The following AKAP6 variants were observed in gnomAD, a reference collection of about 807,000 sequenced individuals.
The protein encoded by AKAP6 is A-kinase anchor protein 6.
Under a neutral mutation model 188.5 loss-of-function variants are expected in AKAP6, and 58 were observed. The observed-to-expected ratio is 0.31, with a 90% CI of 0.25 to 0.38. The LOEUF is 0.38. Among genes scored for constraint, AKAP6 ranks in the 10% least tolerant of loss-of-function variants. The pLI is 1.00. For synonymous variants in AKAP6, 989 were observed against 998.6 expected, an observed-to-expected ratio of 0.99 and a Z score of 0.18; for missense variants, 2,710 against 2,740.0, an observed-to-expected ratio of 0.99 and a Z score of 0.24.
At chr14:32,628,744 T>C (rs1395111468) in intron 7 of AKAP6, among the ~76,000 whole-genome samples, 1 of 152,056 alleles carries the variant, frequency 6.6e-6, no homozygotes, top group Non-Finnish European at 1.5e-5. Context: ...AGAAAAAAAG[T>C]CCAAAACACC....
At chr14:32,559,895 A>G (rs960766599) in intron 4 of AKAP6, among the ~76,000 whole-genome samples, 7 of 151,122 alleles carry the variant, frequency 4.6e-5, no homozygotes, top group African/African-American at 1.7e-4. Flanking sequence ...TAGCCTAGAC[A>G]TGTGGTAAAA....
chr14:32,564,096 C>T (rs1884085375), intron 4 of AKAP6, among the ~76,000 whole-genome samples: 1 of 152,058 alleles, frequency 6.6e-6, no homozygotes, highest in Non-Finnish European at 1.5e-5. Flanking sequence ...TTTAAATTAT[C>T]ACTAGGTTAC....
chr14:32,779,933 G>A (rs2033189666), intron 12 of AKAP6, among the ~76,000 whole-genome samples: 1 of 152,024 alleles, frequency 6.6e-6, no homozygotes, highest in Admixed American at 6.6e-5. Flanking sequence ...GATTGGTGTA[G>A]CCTCTGTGGG....
chr14:32,583,217 C>A (rs1885062013), intron 5 of AKAP6, among the ~76,000 whole-genome samples: 1 of 152,298 alleles, frequency 6.6e-6, no homozygotes, highest in Middle Eastern at 3.4e-3. Flanking sequence ...AGACAGGACC[C>A]TCAGCTGCAG....
intron 1 of AKAP6, among the ~76,000 whole-genome samples, chr14:32,432,174 A>G (rs1178254460): frequency 1.3e-5 from 2 of 152,162 alleles, no homozygotes; most frequent in African/African-American, 4.8e-5. Flanking sequence ...GGAAATAACA[A>G]TATAAACTAA....
chr14:32,799,898 A>G (rs77655237), intron 12 of AKAP6, among the ~76,000 whole-genome samples: 22,656 of 151,490 alleles, frequency 0.15, 1,763 homozygotes, highest in Middle Eastern at 0.24. Flanking sequence ...ATCACCTACC[A>G]AAAGAGAGGT....
At chr14:32,338,056 T>C (rs992674643) in intron 1 of AKAP6, among the ~76,000 whole-genome samples, 1 of 152,020 alleles carries the variant, frequency 6.6e-6, no homozygotes, top group Non-Finnish European at 1.5e-5. Context: ...GTTTTTTTTG[T>C]GTTTGTTTGG....
intron 12 of AKAP6, among the ~76,000 whole-genome samples, chr14:32,797,236 A>G (rs950853891): frequency 1.6e-4 from 24 of 152,208 alleles, no homozygotes; most frequent in African/African-American, 5.8e-4. Context: ...TCAAAGACCT[A>G]GAGGCAGAAA....
intron 12 of AKAP6, among the ~76,000 whole-genome samples, chr14:32,786,296 A>ATGTTTTTTTTGTTTTTTTTTTTTT: frequency 1.1e-5 from 1 of 93,706 alleles, no homozygotes. Flanking sequence ...CTAAACCTTT[A>ATGTTTTTTTTGTTTTTTTTTTTTT]TCTTTTTTTT....
chr14:32,563,124 G>A (rs1276344473), intron 4 of AKAP6, among the ~76,000 whole-genome samples: 1 of 152,134 alleles, frequency 6.6e-6, no homozygotes, highest in Non-Finnish European at 1.5e-5. Context: ...CACAGTAAAG[G>A]AAAAGATACA....
intron 1 of AKAP6, among the ~76,000 whole-genome samples, chr14:32,341,765 T>C (rs1415445669): frequency 6.6e-6 from 1 of 152,194 alleles, no homozygotes; most frequent in Non-Finnish European, 1.5e-5. Context: ...GGCTCAGGCC[T>C]GGCCATCATT....
chr14:32,400,768 T>A (rs1466148593), intron 1 of AKAP6, among the ~76,000 whole-genome samples: 1 of 152,108 alleles, frequency 6.6e-6, no homozygotes, highest in African/African-American at 2.4e-5. Context: ...CCTGGAATTC[T>A]TATTAAAACA....
intron 1 of AKAP6, among the ~76,000 whole-genome samples, chr14:32,361,758 T>G (rs1484654866): frequency 6.6e-6 from 1 of 152,164 alleles, no homozygotes; most frequent in African/African-American, 2.4e-5. Context: ...ATAATTTGAT[T>G]TCTGTTTGTT....
chr14:32,767,046 C>T (rs2032741218), intron 11 of AKAP6, among the ~76,000 whole-genome samples: 1 of 152,080 alleles, frequency 6.6e-6, no homozygotes, highest in South Asian at 2.1e-4. Flanking sequence ...GTCTCAGCAC[C>T]ATTTGTTGAA....
chr14:32,516,207 G>A (rs1876711116), intron 2 of AKAP6, among the ~76,000 whole-genome samples: 1 of 152,210 alleles, frequency 6.6e-6, no homozygotes, highest in South Asian at 2.1e-4. Flanking sequence ...GGTTTGCTGA[G>A]GCAGAAAGCC....
At chr14:32,627,300 G>A (rs140004893) in intron 7 of AKAP6, among the ~76,000 whole-genome samples, 1 of 152,168 alleles carries the variant, frequency 6.6e-6, no homozygotes, top group East Asian at 1.9e-4. Context: ...TTGAATTGGG[G>A]TATCTCATAT....
intron 7 of AKAP6, among the ~76,000 whole-genome samples, chr14:32,620,071 G>T (rs571401829): frequency 6.6e-6 from 1 of 152,162 alleles, no homozygotes; most frequent in Admixed American, 6.5e-5. Context: ...TCAAATCTAA[G>T]AGTCTTTTGG....
At chr14:32,583,754 T>C (rs967951270) in intron 5 of AKAP6, among the ~76,000 whole-genome samples, 1 of 152,100 alleles carries the variant, frequency 6.6e-6, no homozygotes, top group African/African-American at 2.4e-5. Context: ...TCAGCGAGAC[T>C]CCGTGGGCGT....
intron 2 of AKAP6, among the ~76,000 whole-genome samples, chr14:32,500,443 C>A (rs193262593): frequency 6.6e-6 from 1 of 152,188 alleles, no homozygotes; most frequent in Non-Finnish European, 1.5e-5. Context: ...TGATCACTTC[C>A]TATACTTCTG....
Sources: allele counts gnomAD v4.1 joint callset (sites outside exome capture counted in the v4.1 genomes callset), GRCh38; gene constraint gnomAD v4.1.1; transcripts MANE v1.5; gene names NCBI Gene and HGNC (gene_info 2026-07-23, HGNC 2026-07-21).